Variants in BRI3 observed in about 807,000 individuals in gnomAD.
BRI3 encodes membrane protein BRI3.
Under a neutral mutation model 12.8 loss-of-function variants are expected in BRI3, and 6 were observed. The observed-to-expected ratio is 0.47, with a 90% CI of 0.26 to 0.93. The LOEUF is 0.93. Ranked by LOEUF, BRI3 falls within the 40% of genes least tolerant of loss-of-function variation. BRI3 has a pLI of 0.15. For synonymous variants in BRI3, 91 were observed against 76.1 expected (o/e 1.20, Z -1.02); for missense variants, 134 against 171.1 (o/e 0.78, Z 1.21).
At chr7:98,309,742 C>A (rs1301936840) in exon 2 of BRI3, 1 of 152,310 alleles carries the variant, frequency 6.6e-6, no homozygotes, top group Non-Finnish European at 1.5e-5. Context: ...TGTGAGACAC[C>A]CCACGTGGAT....
In BRI3 at chr7:98,282,420, C is replaced by CT. The variant is rs1194514951; in HGVS notation, c.213dup (p.Ile72TyrfsTer71). The CT allele has an allele frequency of 2.4e-5, 38 of 1,613,996 alleles. No homozygotes were observed. The highest frequency in any genetic ancestry group is 3.1e-5 in the Non-Finnish European group (36 of 1,180,010). On this transcript the variant is annotated frameshift_variant, in exon 2 of 3. Coordinates refer to ENST00000297290, the MANE Select transcript of BRI3 (RefSeq NM_015379.5). LOFTEE classifies it high-confidence loss of function. ...ACCGTCACCCGCTATCCTGCCAACTCTATCGTGGTCGTAGGAGGCTGTCCT... is the reference window on the plus strand; with the variant it reads ...ACCGTCACCCGCTATCCTGCCAACTCTTATCGTGGTCGTAGGAGGCTGTCCT...
chr7:98,320,849 T>C, the BRI3 span, among the ~76,000 whole-genome samples: 1 of 129,506 alleles, frequency 7.7e-6, no homozygotes, highest in African/African-American at 2.5e-5. Flanking sequence ...TTCACATGAG[T>C]CTTTCTGTTC....
downstream of BRI3, among the ~76,000 whole-genome samples, chr7:98,297,256 C>T (rs1562962776): frequency 6.6e-6 from 1 of 152,236 alleles, no homozygotes; most frequent in Admixed American, 6.5e-5. Flanking sequence ...ACCCATCACT[C>T]GATGCCTGGT....
downstream of BRI3, among the ~76,000 whole-genome samples, chr7:98,296,832 T>TA (rs1800211976): frequency 6.6e-6 from 1 of 152,196 alleles, no homozygotes; most frequent in South Asian, 2.1e-4. Context: ...GCTTGGCACA[T>TA]ACGGTGCCTC....
At chr7:98,315,622 A>AATAAT in the BRI3 span, 1 of 1,072,930 alleles carries the variant, frequency 9.3e-7, no homozygotes, top group Non-Finnish European at 1.2e-6. Context: ...ACTAAAAAAA[A>AATAAT]AAAAATAATA....
At chr7:98,320,073 G>T in the BRI3 span, 1 of 1,613,410 alleles carries the variant, frequency 6.2e-7, no homozygotes, top group East Asian at 2.2e-5. Flanking sequence ...TATATTTCAC[G>T]TCAAGTTCTA....
chr7:98,310,803 C>CAG (rs780620317), downstream of BRI3, among the ~76,000 whole-genome samples: 2 of 152,110 alleles, frequency 1.3e-5, no homozygotes, highest in South Asian at 4.1e-4. Flanking sequence ...TCTTGTGCCT[C>CAG]AGCCTCTTGA....
chr7:98,322,775 G>A, the BRI3 span: 1 of 152,300 alleles, frequency 6.6e-6, no homozygotes, highest in Admixed American at 6.5e-5. Flanking sequence ...CTCCCAGCTT[G>A]TTCTTTCCCA....
downstream of BRI3, chr7:98,310,724 T>C: frequency 1.4e-6 from 1 of 720,380 alleles, no homozygotes; most frequent in Non-Finnish European, 2.0e-6. Flanking sequence ...TCTCGCTGTG[T>C]TGCCCAGGCT....
At chr7:98,292,785 G>A (rs931342280), downstream of BRI3, 46 of 1,545,164 alleles carry the variant, frequency 3.0e-5, no homozygotes, top group African/African-American at 4.0e-4. Context: ...ACAAGGAGCC[G>A]TGACTCCGAC....
the BRI3 span, chr7:98,315,614 T>TAAAAAAA: frequency 5.9e-6 from 4 of 677,788 alleles, no homozygotes; most frequent in African/African-American, 8.2e-5. Context: ...CTCCACATAC[T>TAAAAAAA]AAAAAAAAAA....
At chr7:98,320,229 T>C in the BRI3 span, 1 of 1,605,208 alleles carries the variant, frequency 6.2e-7, no homozygotes, top group Non-Finnish European at 8.5e-7. Context: ...GAAACACAGA[T>C]CACGTACATT....
chr7:98,313,424 G>A (rs532472677), downstream of BRI3, among the ~76,000 whole-genome samples: 39 of 152,166 alleles, frequency 2.6e-4, no homozygotes, highest in African/African-American at 7.2e-4. Flanking sequence ...CTCATGACAC[G>A]GTGGGGATAT....
intron 2 of BRI3, among the ~76,000 whole-genome samples, chr7:98,290,325 A>AT (rs1393072311): frequency 6.6e-6 from 1 of 151,112 alleles, no homozygotes; most frequent in East Asian, 1.9e-4. Context: ...CCTCCTGAGT[A>AT]GCTGGGACTA....
downstream of BRI3, among the ~76,000 whole-genome samples, chr7:98,311,415 G>A: frequency 6.6e-6 from 1 of 151,770 alleles, no homozygotes; most frequent in East Asian, 2.0e-4. Flanking sequence ...ATGGTGGCGG[G>A]CGCCTGTAGT....
the BRI3 span, among the ~76,000 whole-genome samples, chr7:98,319,293 C>A: frequency 6.6e-6 from 1 of 152,180 alleles, no homozygotes. Context: ...GATAAACCTG[C>A]TGAAATGGAC....
At chr7:98,288,931 G>A (rs1799802016) in intron 2 of BRI3, among the ~76,000 whole-genome samples, 1 of 152,062 alleles carries the variant, frequency 6.6e-6, no homozygotes, top group Admixed American at 6.6e-5. Flanking sequence ...GAGTAGGCTA[G>A]AGGGAGGCAG....
chr7:98,308,134 G>A (rs755915189), exon 2 of BRI3: 10 of 644,722 alleles, frequency 1.6e-5, no homozygotes, highest in South Asian at 3.0e-5. Context: ...GGATCCCTGC[G>A]GCTGCGGGCT....
chr7:98,317,128 C>CA, the BRI3 span: 3 of 1,523,492 alleles, frequency 2.0e-6, no homozygotes, highest in South Asian at 3.5e-5. Context: ...GCTGGGATTA[C>CA]AGGCGTGAGC....
Sources: gnomAD v4.1 joint callset for allele counts (sites outside exome capture counted in the v4.1 genomes callset) on GRCh38, gnomAD v4.1.1 for gene constraint, MANE v1.5 for transcripts, NCBI Gene and HGNC (gene_info 2026-07-23, HGNC 2026-07-21) for gene names.